The following PROSER2 variants were observed in gnomAD, a reference collection of about 807,000 sequenced individuals.
PROSER2 encodes proline and serine rich 2, also known as proline and serine-rich protein 2.
PROSER2 carries 18 observed loss-of-function variants against 14.6 expected under a neutral mutation model. The observed-to-expected ratio is 1.23, with a 90% confidence interval of 0.85 to 1.83. The LOEUF (loss-of-function observed/expected upper bound fraction) is 1.83. PROSER2 is among the 40% of genes most tolerant of loss of function. The pLI, the probability that PROSER2 is intolerant of heterozygous loss-of-function variation, is 0.00. For missense variants in PROSER2, 823 were observed against 629.8 expected, an observed-to-expected ratio of 1.31 and a Z score of -3.28; for synonymous variants, 367 against 286.4, an observed-to-expected ratio of 1.28 and a Z score of -2.84.
chr10:11,868,529 C>A (rs1056778564), intron 3 of PROSER2, among the ~76,000 whole-genome samples: 1 of 152,194 alleles, frequency 6.6e-6, no homozygotes, highest in African/African-American at 2.4e-5. Flanking sequence ...ACCTCAGCTT[C>A]CCAGATTGCT....
chr10:11,855,473 CAAAAAAAAAA>C (rs71380787), intron 2 of PROSER2, among the ~76,000 whole-genome samples: 1 of 102,656 alleles, frequency 9.7e-6, no homozygotes, highest in African/African-American at 4.0e-5. Flanking sequence ...GACTCCATCT[CAAAAAAAAAA>C]AAAAAAAGAA....
intron 1 of PROSER2, among the ~76,000 whole-genome samples, chr10:11,842,631 T>C (rs1833860143): frequency 6.6e-6 from 1 of 152,200 alleles, no homozygotes; most frequent in African/African-American, 2.4e-5. Flanking sequence ...TTTACTCGCA[T>C]TTTTAGTCCA....
At position 11,838,961 on chromosome 10, in the gene PROSER2, A is replaced by T. The variant is rs1833798855; in HGVS notation, c.-81-13036A>T. 6.6e-6 allele frequency among the ~76,000 whole-genome samples: 1 copy of T among 152,180 alleles called. No homozygotes were observed. Among genetic ancestry groups the T allele is most frequent in the Non-Finnish European group, 1.5e-5 (1 of 68,022 alleles). On this transcript the variant is annotated intron_variant, in intron 1 of 3. Coordinates refer to ENST00000277570, the MANE Select transcript of PROSER2 (RefSeq NM_153256.4). This position sits in a 1 kb window ranked among gnomAD's most constrained non-coding sequence, Gnocchi z 4.4. The stretch of plus-strand genomic sequence containing the variant: ...TCTTAATATTGTCTATGGTGTCCTT[A>T]ATTTTTATGTAGACAGATGCATTGA...
At position 11,823,811 on chromosome 10, in the gene PROSER2, T is replaced by TC. The variant is rs1833574296; in HGVS notation, c.-82+345dup. Among the ~76,000 whole-genome samples the TC allele has an allele frequency of 6.6e-6, 1 of 152,034 alleles. No individual in the cohort carries two copies. Among genetic ancestry groups the TC allele is most frequent in the Non-Finnish European group, 1.5e-5 (1 of 67,974 alleles). On this transcript the variant is annotated intron_variant, in intron 1 of 3. Coordinates refer to ENST00000277570, the MANE Select transcript of PROSER2 (RefSeq NM_153256.4). This position sits in a 1 kb window ranked among gnomAD's most constrained non-coding sequence, Gnocchi z 6.2. ...CCTTGGGCGCAGAGGGTCCCCGCTGTCCCCACCGTCCGTCCCCCAACCCGG... is the reference window on the plus strand; with the variant it reads ...CCTTGGGCGCAGAGGGTCCCCGCTGTCCCCCACCGTCCGTCCCCCAACCCGG...
chr10:11,835,189 T>C (rs971074064), intron 1 of PROSER2, among the ~76,000 whole-genome samples: 1 of 151,484 alleles, frequency 6.6e-6, no homozygotes, highest in South Asian at 2.1e-4. Context: ...GTGGTATGAG[T>C]GTTGGTTTCT....
At chr10:11,831,848 G>C (rs1463782169) in intron 1 of PROSER2, 1 of 152,172 alleles carries the variant, frequency 6.6e-6, no homozygotes, top group African/African-American at 2.4e-5. Flanking sequence ...GAACTTGTTT[G>C]CTTTAAGTGT....
Position 11,871,964 on chromosome 10 carries a change from CTTAAT to C in PROSER2, c.*1563_*1567del, listed in dbSNP as rs1346915192. ...AATAATAACCTCATAGATTCCTGAT[CTTAAT>C]TTAAATAGGTGCTTTAATTTTACAG... On this transcript the variant is annotated 3_prime_UTR_variant, in exon 4 of 4. Transcript: ENST00000277570. 2 of 152,132 alleles carry C rather than the reference CTTAAT, an allele frequency of 1.3e-5. No homozygotes were observed. Among genetic ancestry groups the C allele is most frequent in the Non-Finnish European group, 2.9e-5 (2 of 68,044 alleles). The allele number at this position is 152,132 out of a possible 1,614,324, so 9.4% of individuals were successfully genotyped here.
In PROSER2 at chr10:11,869,893, G is replaced by A. The variant is rs751870567; in HGVS notation, c.795G>A (p.Arg265=). The part of the protein sequence containing the change: ...SNIIVTNGAA[R]EPRRTLSRAA... ...TCATCGTCACCAACGGCGCGGCCCG[G>A]GAGCCCCGCAGGACCCTGTCCAGGG... Residue 265 remains arginine (R), a synonymous_variant, in exon 4 of 4, where the codon CGG becomes CGA. Transcript: ENST00000277570. This position sits in a 1 kb window ranked among gnomAD's most constrained non-coding sequence, Gnocchi z 4.4. 6.3e-7 allele frequency: 1 copy of A among 1,589,494 alleles called. No homozygotes were observed. The highest frequency in any genetic ancestry group is 8.5e-7 in the Non-Finnish European group (1 of 1,170,582).
Position 11,870,253 on chromosome 10 carries a change from GC to G in PROSER2, c.1159del (p.Arg387GlyfsTer64). On this transcript the variant is annotated frameshift_variant, in exon 4 of 4. Coordinates refer to ENST00000277570, the MANE Select transcript of PROSER2 (RefSeq NM_153256.4). LOFTEE classifies it high-confidence loss of function. ...CGCGGGCCCGTCAGAGCTTCCCCGGGCCCCGGCAGCCCAACGGCGCCCAGGA... is the reference window on the plus strand; with the variant it reads ...CGCGGGCCCGTCAGAGCTTCCCCGGGCCCGGCAGCCCAACGGCGCCCAGGA... ...STRARQSFPG[P>X]RQPNGAQDWR... 2 of 1,486,908 alleles carry G rather than the reference GC, an allele frequency of 1.3e-6. No homozygotes were observed. The highest frequency in any genetic ancestry group is 8.9e-7 in the Non-Finnish European group (1 of 1,126,340). The allele number at this position is 1,486,908 out of a possible 1,614,324, so 92.1% of individuals were successfully genotyped here.
rs1424555220 is a variant in PROSER2, at chr10:11,823,704, G to A, written c.-82+234G>A. Among the ~76,000 whole-genome samples the A allele has an allele frequency of 2.6e-5, 4 of 152,180 alleles. No homozygotes were observed. The highest frequency in any genetic ancestry group is 4.4e-5 in the Non-Finnish European group (3 of 68,004). On this transcript the variant is annotated intron_variant, in intron 1 of 3. Coordinates refer to ENST00000277570, the MANE Select transcript of PROSER2 (RefSeq NM_153256.4). This position sits in a 1 kb window ranked among gnomAD's most constrained non-coding sequence, Gnocchi z 6.2. ...CGTCGCTGCCTCCTCGGGGACCTCG[G>A]AGTCGGGGCGCGGCGGGGAGCGCGC...
chr10:11,851,298 T>C (rs375212632), intron 1 of PROSER2: 1 of 152,260 alleles, frequency 6.6e-6, no homozygotes, highest in East Asian at 1.9e-4. Context: ...TCAGTGTCTT[T>C]GCTCCTGGAA....
In PROSER2 at chr10:11,870,307, G is replaced by C; in HGVS notation, c.1209G>C (p.Arg403=). 1.3e-6 allele frequency: 2 copies of C among 1,494,680 alleles called. No homozygotes were observed. Among genetic ancestry groups the C allele is most frequent in the East Asian group, 2.8e-5 (1 of 35,900 alleles). 92.6% of individuals were successfully genotyped at this position (1,494,680 alleles called of 1,614,324 possible). A position where few individuals can be genotyped will look rare whatever the true frequency, so the allele number is the denominator to read the frequency against. Residue 403 remains arginine, a synonymous_variant, in exon 4 of 4, where the codon CGG becomes CGC. Transcript: ENST00000277570. ...QDWRRADSLP[R]PQGITVQFAG... is the part of the protein sequence containing the mutation. ...GGCGCCGCGCAGACTCCCTGCCCCG[G>C]CCCCAGGGCATCACCGTGCAGTTCG...
At chr10:11,852,876 A>G (rs1052633704) in intron 2 of PROSER2, among the ~76,000 whole-genome samples, 3 of 116,428 alleles carry the variant, frequency 2.6e-5, no homozygotes, top group African/African-American at 8.4e-5. Context: ...ACTCAAGCTG[A>G]TGTTTCACTC....
intron 2 of PROSER2, chr10:11,863,075 T>A (rs1834274849): frequency 1.3e-5 from 2 of 152,238 alleles, no homozygotes; most frequent in Admixed American, 6.5e-5. Context: ...AGCAATGTTC[T>A]GCCTGCCTAC....
chr10:11,828,517 C>G (rs1284252732), intron 1 of PROSER2, among the ~76,000 whole-genome samples: 1 of 152,056 alleles, frequency 6.6e-6, no homozygotes, highest in Non-Finnish European at 1.5e-5. Flanking sequence ...CCCTGGCCAA[C>G]ATGGTGAAAC....
At chr10:11,846,694 C>T (rs561355852) in intron 1 of PROSER2, among the ~76,000 whole-genome samples, 1 of 152,296 alleles carries the variant, frequency 6.6e-6, no homozygotes, top group South Asian at 2.1e-4. Flanking sequence ...AACAGGCCGG[C>T]CAGGCCATGG....
At chr10:11,851,067 T>C (rs1456591654) in intron 1 of PROSER2, 1 of 152,146 alleles carries the variant, frequency 6.6e-6, no homozygotes, top group African/African-American at 2.4e-5. Flanking sequence ...CTACAAAAAA[T>C]AAGCTGGGTG....
intron 1 of PROSER2, among the ~76,000 whole-genome samples, chr10:11,835,119 A>G (rs111583847): frequency 1.0e-3 from 143 of 142,576 alleles, no homozygotes; most frequent in Non-Finnish European, 1.6e-3. Flanking sequence ...AAAAAAAAAA[A>G]AAAAAGAAAA....
rs1368899372 is a variant in PROSER2 at position 11,852,142 on chromosome 10, G to A, written c.65G>A (p.Arg22Lys). The A allele has an allele frequency of 1.2e-6, 2 of 1,613,558 alleles. No individual in the cohort carries two copies. Among genetic ancestry groups the A allele is most frequent in the African/African-American group, 2.7e-5 (2 of 74,912 alleles). The stretch of plus-strand genomic sequence containing the variant: ...AACTCAGACACGTCCCCCAGCTGCA[G>A]GCTCCGAGCCTTCAGCAGAGGCGGC... ...DMNSDTSPSC[R>K]LRAFSRGGSL... The change falls in exon 2 of 4, where the codon AGG (arginine) becomes AAG (lysine). Residue 22 changes from arginine to lysine, a missense_variant. Physicochemically the swap from Arg to Lys is conservative, Grantham distance 26 (BLOSUM62 2). Coordinates refer to ENST00000277570, the MANE Select transcript of PROSER2 (RefSeq NM_153256.4).
Sources: allele counts gnomAD v4.1 joint callset (sites outside exome capture counted in the v4.1 genomes callset), GRCh38; gene constraint gnomAD v4.1.1; non-coding constraint Gnocchi (gnomAD v3.1); transcripts MANE v1.5; gene names NCBI Gene and HGNC (gene_info 2026-07-23, HGNC 2026-07-21).